Variants in DAB1 observed in about 807,000 individuals in gnomAD.
The protein encoded by DAB1 is disabled homolog 1.
Under a neutral mutation model 64.6 loss-of-function variants are expected in DAB1, and 15 were observed. The ratio of observed to expected loss-of-function variants is 0.23; its 90% confidence interval spans 0.16 to 0.36. The LOEUF (loss-of-function observed/expected upper bound fraction) is 0.36, where lower values mean the gene tolerates loss of function less well. DAB1 is among the 10% of genes least tolerant of loss of function. The pLI is 1.00. For synonymous variants in DAB1, 235 were observed against 251.9 expected (o/e 0.93, Z 0.64); for missense variants, 596 against 706.7 (o/e 0.84, Z 1.78).
chr1:58,389,627 T>C (rs17117430), intron 3 of DAB1, among the ~76,000 whole-genome samples: 63,988 of 151,998 alleles, frequency 0.42, 13,919 homozygotes, highest in East Asian at 0.63. Flanking sequence ...TTCTCCTCAT[T>C]GGGTCCATTT....
chr1:58,049,971 G>A (rs1383448158), intron 5 of DAB1, among the ~76,000 whole-genome samples: 1 of 152,130 alleles, frequency 6.6e-6, no homozygotes, highest in East Asian at 1.9e-4. Context: ...ATGAAGTTGG[G>A]AACCGTATGG....
intron 6 of DAB1, among the ~76,000 whole-genome samples, chr1:57,804,848 T>C (rs1651289012): frequency 6.6e-6 from 1 of 152,220 alleles, no homozygotes; most frequent in Non-Finnish European, 1.5e-5. Context: ...CTATGAGCCA[T>C]TTCTCACCCG....
At position 57,972,310 on chromosome 1, in the gene DAB1, C is replaced by T. The variant is rs761134839; in HGVS notation, n.388-88148G>A. 4.6e-5 allele frequency among the ~76,000 whole-genome samples: 7 copies of T among 152,168 alleles called. 1 individual carries two copies. Among genetic ancestry groups the T allele is most frequent in the South Asian group, 4.1e-4 (2 of 4,828 alleles). ...GAAGTGTAGTTGTACAATCATAGCT[C>T]ACTGCAGCGTTGAATTCCTTGGCTC... On this transcript the variant is annotated intron_variant and non_coding_transcript_variant, in intron 5 of 20. Transcript: ENST00000485760.
At position 57,010,668 on chromosome 1, in the gene DAB1, A is replaced by G. The variant is rs1192758432; in HGVS notation, c.*15+12T>C. On this transcript the variant is annotated intron_variant, in intron 14 of 14. Coordinates refer to ENST00000371236, the MANE Select transcript of DAB1 (RefSeq NM_001365792.1). ...CTTAAGGGTAAAGGAGATAAAAAGG[A>G]CAGATACCTACCCAGACCTGCGCTA... The G allele has an allele frequency of 7.0e-7, 1 of 1,431,532 alleles. No individual in the cohort carries two copies. The highest frequency in any genetic ancestry group is 9.4e-7 in the Non-Finnish European group (1 of 1,059,768). The allele number at this position is 1,431,532 out of a possible 1,614,324, so 88.7% of individuals were successfully genotyped here. A position where few individuals can be genotyped will look rare whatever the true frequency, so the allele number is the denominator to read the frequency against.
At chr1:57,231,001 A>G (rs1667634869) in intron 2 of DAB1, among the ~76,000 whole-genome samples, 1 of 152,140 alleles carries the variant, frequency 6.6e-6, no homozygotes, top group Non-Finnish European at 1.5e-5. Context: ...AAGATGAATT[A>G]ATAATTATTA....
chr1:57,007,512 G>A (rs1646117236), intron 14 of DAB1, among the ~76,000 whole-genome samples: 1 of 152,080 alleles, frequency 6.6e-6, no homozygotes, highest in Non-Finnish European at 1.5e-5. Context: ...TGGGAGGGTA[G>A]GGGGAAAAAA....
At chr1:57,592,497 G>C (rs1645457237) in intron 7 of DAB1, among the ~76,000 whole-genome samples, 1 of 151,892 alleles carries the variant, frequency 6.6e-6, no homozygotes, top group Non-Finnish European at 1.5e-5. Context: ...TTCTTGATAT[G>C]ACTGATGAAA....
rs1558253301 is a variant in DAB1 at position 57,369,130 on chromosome 1, T to C, written c.-137+54800A>G. ...GGAGCTAGACTGATTCAGGGTTGCA[T>C]CCTGCCTCCTCCACTTGCTAAGCAG... On this transcript the variant is annotated intron_variant, in intron 1 of 14. Transcript: ENST00000371236. Among the ~76,000 whole-genome samples, 3 of 152,200 alleles carry C rather than the reference T, an allele frequency of 2.0e-5. No individual in the cohort carries two copies. The South Asian group carries it at 6.2e-4, about 32-fold the overall frequency.
chr1:57,394,261 G>T (rs1682628859), intron 1 of DAB1, among the ~76,000 whole-genome samples: 1 of 152,180 alleles, frequency 6.6e-6, no homozygotes, highest in Non-Finnish European at 1.5e-5. Flanking sequence ...AGACCCAACG[G>T]GCGTTGTGTT....
At chr1:57,704,889 C>CCTTCCTTT (rs1312429523) in intron 6 of DAB1, among the ~76,000 whole-genome samples, 66 of 151,236 alleles carry the variant, frequency 4.4e-4, no homozygotes, top group African/African-American at 1.5e-3. Context: ...TTCCTTCCTT[C>CCTTCCTTT]CTTCCTTCCT....
At chr1:58,240,300 TC>T (rs1428061769) in intron 4 of DAB1, among the ~76,000 whole-genome samples, 1 of 152,248 alleles carries the variant, frequency 6.6e-6, no homozygotes, top group Non-Finnish European at 1.5e-5. Context: ...CAACTTCTGA[TC>T]ATATCCTTAA....
chr1:58,047,418 G>T (rs1647309674), intron 5 of DAB1, among the ~76,000 whole-genome samples: 1 of 152,170 alleles, frequency 6.6e-6, no homozygotes, highest in Non-Finnish European at 1.5e-5. Context: ...CACCAGGGAG[G>T]TGGGCCTTCG....
intron 6 of DAB1, among the ~76,000 whole-genome samples, chr1:57,668,181 C>T (rs1403789099): frequency 6.6e-6 from 1 of 152,024 alleles, no homozygotes; most frequent in Non-Finnish European, 1.5e-5. Context: ...TACAGAACTA[C>T]ATTTCACTTT....
At chr1:58,514,575 C>A (rs1191110111) in intron 2 of DAB1, among the ~76,000 whole-genome samples, 1 of 152,154 alleles carries the variant, frequency 6.6e-6, no homozygotes, top group Non-Finnish European at 1.5e-5. Flanking sequence ...ACCATTAACA[C>A]CCTACACTTG....
At chr1:58,079,925 AG>A (rs1034359135) in intron 5 of DAB1, 3 of 152,206 alleles carry the variant, frequency 2.0e-5, no homozygotes, top group African/African-American at 7.2e-5. Context: ...CTTGGCACAT[AG>A]GTGCTTCATA....
intron 6 of DAB1, among the ~76,000 whole-genome samples, chr1:57,767,649 T>C (rs1452055343): frequency 2.6e-5 from 4 of 152,180 alleles, no homozygotes; most frequent in Admixed American, 1.3e-4. Flanking sequence ...TCTGGCATTA[T>C]AGTGGCTACT....
chr1:57,887,958 A>C (rs1247001715), upstream of DAB1, among the ~76,000 whole-genome samples: 1 of 152,214 alleles, frequency 6.6e-6, no homozygotes, highest in Non-Finnish European at 1.5e-5. Context: ...AAGTTGATGC[A>C]CATCACCAGA....
At chr1:58,323,377 A>G (rs1662740603) in intron 4 of DAB1, among the ~76,000 whole-genome samples, 1 of 152,054 alleles carries the variant, frequency 6.6e-6, no homozygotes, top group African/African-American at 2.4e-5. Flanking sequence ...CAAAATACTC[A>G]ACAGTCTGCC....
chr1:57,355,377 C>G lies in DAB1; in HGVS notation c.-136-64211G>C, dbSNP rs1256970616. Among the ~76,000 whole-genome samples the G allele has an allele frequency of 6.0e-5, 9 of 150,586 alleles. No individual in the cohort carries two copies. In the South Asian group the frequency reaches 1.9e-3, roughly 32 times the overall value. On this transcript the variant is annotated intron_variant, in intron 1 of 14. Coordinates refer to ENST00000371236, the MANE Select transcript of DAB1 (RefSeq NM_001365792.1). Reference sequence around the variant, plus strand: ...CTTCCTTCCCTTCCTTCCTTCGTTCCTTCCTTCCTTCCTTCCGTCCTTCCG... The same window carrying G: ...CTTCCTTCCCTTCCTTCCTTCGTTCGTTCCTTCCTTCCTTCCGTCCTTCCG...
Sources: gnomAD v4.1 joint callset for allele counts (sites outside exome capture counted in the v4.1 genomes callset) on GRCh38, gnomAD v4.1.1 for gene constraint, MANE v1.5 for transcripts, NCBI Gene and HGNC (gene_info 2026-07-23, HGNC 2026-07-21) for gene names.